EXOC4: variants seen among roughly 807,000 people sequenced by gnomAD.
The protein encoded by EXOC4 is SEC8-like 1.
Under a neutral mutation model 107.2 loss-of-function variants are expected in EXOC4, and 71 were observed. That is an observed-to-expected ratio of 0.66 (90% CI 0.55 to 0.81). The LOEUF is 0.81. Ranked by LOEUF, EXOC4 falls within the 30% of genes least tolerant of loss-of-function variation. The pLI is 0.00. For synonymous variants in EXOC4, 456 were observed against 441.2 expected, an observed-to-expected ratio of 1.03 and a Z score of -0.42; for missense variants, 1,108 against 1,189.6, an observed-to-expected ratio of 0.93 and a Z score of 1.01.
intron 11 of EXOC4, among the ~76,000 whole-genome samples, chr7:133,832,768 T>C (rs1413526224): frequency 6.6e-6 from 1 of 152,216 alleles, no homozygotes; most frequent in African/African-American, 2.4e-5. Context: ...TAAACACTTA[T>C]GTTTAGTTTT....
intron 2 of EXOC4, among the ~76,000 whole-genome samples, chr7:133,288,055 T>C (rs1231470957): frequency 6.6e-6 from 1 of 152,136 alleles, no homozygotes; most frequent in Non-Finnish European, 1.5e-5. Flanking sequence ...GAAACAAAAC[T>C]GTAAAGAAAT....
intron 11 of EXOC4, among the ~76,000 whole-genome samples, chr7:133,850,737 C>A (rs1244307848): frequency 1.3e-5 from 2 of 152,108 alleles, no homozygotes; most frequent in Non-Finnish European, 2.9e-5. Flanking sequence ...GGAAACTTCC[C>A]ATTCCAAAAG....
intron 14 of EXOC4, among the ~76,000 whole-genome samples, chr7:133,940,783 T>C (rs889869173): frequency 3.9e-5 from 6 of 152,076 alleles, no homozygotes; most frequent in Non-Finnish European, 7.4e-5. Flanking sequence ...TATTATTTTT[T>C]TTTTTTTGAA....
chr7:133,801,413 G>T (rs1187273390), intron 10 of EXOC4, among the ~76,000 whole-genome samples: 1 of 152,048 alleles, frequency 6.6e-6, no homozygotes, highest in Non-Finnish European at 1.5e-5. Flanking sequence ...ACTAAATGAG[G>T]CTCTTCTTCA....
chr7:133,450,770 A>G (rs1798326349), intron 7 of EXOC4, among the ~76,000 whole-genome samples: 1 of 152,238 alleles, frequency 6.6e-6, no homozygotes, highest in Non-Finnish European at 1.5e-5. Flanking sequence ...ATAATAAATG[A>G]ATTACTAAGG....
At chr7:133,776,844 G>T (rs1796355460) in intron 10 of EXOC4, among the ~76,000 whole-genome samples, 1 of 152,062 alleles carries the variant, frequency 6.6e-6, no homozygotes, top group South Asian at 2.1e-4. Context: ...CCATGAATTT[G>T]TTCCCTGCTT....
chr7:133,341,698 A>G lies in EXOC4; in HGVS notation c.764-14632A>G, dbSNP rs1254962626. Among the ~76,000 whole-genome samples the G allele has an allele frequency of 2.0e-5, 3 of 152,100 alleles. No homozygotes were observed. The East Asian group carries it at 5.8e-4, about 29-fold the overall frequency. On this transcript the variant is annotated intron_variant, in intron 5 of 17. Transcript: ENST00000253861. ...TCTTAAGTCTAGAAGTAAATATTTTATAAATTTGGGAGCTCCAGGGTTAGG... is the reference window on the plus strand; with the variant it reads ...TCTTAAGTCTAGAAGTAAATATTTTGTAAATTTGGGAGCTCCAGGGTTAGG...
At chr7:133,279,882 G>A (rs542217603) in intron 2 of EXOC4, among the ~76,000 whole-genome samples, 1 of 152,282 alleles carries the variant, frequency 6.6e-6, no homozygotes, top group African/African-American at 2.4e-5. Flanking sequence ...TAGATTCTAT[G>A]TTTTTGAGGA....
intron 9 of EXOC4, chr7:133,551,876 G>GATATTACTATC (rs1800595699): frequency 6.6e-6 from 1 of 152,148 alleles, no homozygotes; most frequent in Non-Finnish European, 1.5e-5. Context: ...GAGTGCATTA[G>GATATTACTATC]TAATATAGCA....
intron 2 of EXOC4, among the ~76,000 whole-genome samples, chr7:133,284,893 C>A: frequency 6.6e-6 from 1 of 152,288 alleles, no homozygotes; most frequent in Non-Finnish European, 1.5e-5. Flanking sequence ...ACTGGACTCT[C>A]CTACCTCATC....
intron 12 of EXOC4, among the ~76,000 whole-genome samples, chr7:133,914,048 C>G (rs1799752637): frequency 6.6e-6 from 1 of 152,114 alleles, no homozygotes; most frequent in Non-Finnish European, 1.5e-5. Context: ...ATAAAAAGTG[C>G]TCTTGGGTTG....
At chr7:133,581,161 A>G (rs1563115425) in intron 9 of EXOC4, among the ~76,000 whole-genome samples, 2 of 152,144 alleles carry the variant, frequency 1.3e-5, no homozygotes, top group African/African-American at 4.8e-5. Context: ...CTGTTCTCTG[A>G]TTTATTAACA....
intron 7 of EXOC4, among the ~76,000 whole-genome samples, chr7:133,422,858 C>T (rs1472235864): frequency 6.6e-6 from 1 of 152,130 alleles, no homozygotes; most frequent in Non-Finnish European, 1.5e-5. Flanking sequence ...ATGGGAAATG[C>T]TTACTTTTTA....
chr7:133,605,242 CAAACA>C (rs1232582799), intron 9 of EXOC4, among the ~76,000 whole-genome samples: 2 of 152,102 alleles, frequency 1.3e-5, no homozygotes, highest in African/African-American at 2.4e-5. Context: ...GATACAAGAG[CAAACA>C]AAACAAAGTT....
At chr7:133,985,228 C>G (rs1794087467) in intron 14 of EXOC4, among the ~76,000 whole-genome samples, 1 of 152,194 alleles carries the variant, frequency 6.6e-6, no homozygotes, top group Non-Finnish European at 1.5e-5. Context: ...ATGTAAATAA[C>G]AAATGGTACC....
intron 1 of EXOC4, among the ~76,000 whole-genome samples, chr7:133,261,718 A>G (rs1403258541): frequency 6.6e-6 from 1 of 152,188 alleles, no homozygotes; most frequent in East Asian, 1.9e-4. Context: ...GCAGAGCAAC[A>G]TTTAGTCTAG....
intron 5 of EXOC4, among the ~76,000 whole-genome samples, chr7:133,347,329 C>T (rs934105473): frequency 4.6e-4 from 70 of 151,442 alleles, no homozygotes; most frequent in African/African-American, 1.4e-3. Context: ...CTGCAACCTC[C>T]GCCTCCTGGG....
intron 11 of EXOC4, among the ~76,000 whole-genome samples, chr7:133,871,259 G>A (rs1182893742): frequency 2.0e-5 from 3 of 151,782 alleles, no homozygotes; most frequent in Non-Finnish European, 4.4e-5. Flanking sequence ...TTTAAGTTCA[G>A]TGACATCTCG....
intron 1 of EXOC4, among the ~76,000 whole-genome samples, chr7:133,267,029 A>G (rs1382248363): frequency 6.6e-6 from 1 of 152,048 alleles, no homozygotes; most frequent in African/African-American, 2.4e-5. Flanking sequence ...TGTCTTTTAC[A>G]TTTATTTGGT....
Sources: allele counts gnomAD v4.1 joint callset (sites outside exome capture counted in the v4.1 genomes callset), GRCh38; gene constraint gnomAD v4.1.1; transcripts MANE v1.5; gene names NCBI Gene and HGNC (gene_info 2026-07-23, HGNC 2026-07-21).